The following NSD3 variants were observed in gnomAD, a reference collection of about 807,000 sequenced individuals.
The protein encoded by NSD3 is histone-lysine N-methyltransferase NSD3.
A neutral mutation model predicts 160.8 loss-of-function variants in NSD3; 24 were observed. That is an observed-to-expected ratio of 0.15 (90% CI 0.11 to 0.21). The LOEUF is 0.21. NSD3 is among the 10% of genes least tolerant of loss of function. The probability of loss-of-function intolerance (pLI) is 1.00; values close to 1 mark genes in which losing one functional copy is unlikely to be tolerated. For synonymous variants in NSD3, 520 were observed against 600.0 expected (o/e 0.87, Z 1.95); for missense variants, 1,157 against 1,735.9 (o/e 0.67, Z 5.93).
rs1585846444 is a variant in NSD3, at chr8:38,275,225, T to C, written c.*416A>G. 1 of 261,250 alleles carries C rather than the reference T, an allele frequency of 3.8e-6. No homozygotes were observed. The highest frequency in any genetic ancestry group is 5.6e-5 in the East Asian group (1 of 17,744). 16.2% of individuals were successfully genotyped at this position (261,250 alleles called of 1,614,324 possible). A position where few individuals can be genotyped will look rare whatever the true frequency, so the allele number is the denominator to read the frequency against. On this transcript the variant is annotated 3_prime_UTR_variant, in exon 24 of 24. Coordinates refer to ENST00000317025, the MANE Select transcript of NSD3 (RefSeq NM_023034.2). ...TGATTAGACTATTGAACTACACTTC[T>C]TGAAATTCCTAAAAATGAAAATAAA...
At chr8:38,287,819 AT>A (rs1554522571) in intron 19 of NSD3, among the ~76,000 whole-genome samples, 1 of 151,990 alleles carries the variant, frequency 6.6e-6, no homozygotes, top group Non-Finnish European at 1.5e-5. Context: ...CGCCCGGCTA[AT>A]TTTTTGTATT....
In NSD3 at chr8:38,275,469, C is replaced by A; in HGVS notation, c.*172G>T. 1.6e-6 allele frequency: 1 copy of A among 628,222 alleles called. No individual in the cohort carries two copies. Among genetic ancestry groups the A allele is most frequent in the Admixed American group, 3.1e-5 (1 of 32,264 alleles). 38.9% of individuals were successfully genotyped at this position (628,222 alleles called of 1,614,324 possible). The stretch of plus-strand genomic sequence containing the variant: ...AGAATCCCAAACCAACCAAATCAAA[C>A]AAAAACCAGACACCACCAACTGCTT... On this transcript the variant is annotated 3_prime_UTR_variant, in exon 24 of 24. Coordinates refer to ENST00000317025, the MANE Select transcript of NSD3 (RefSeq NM_023034.2).
chr8:38,308,414 A>G (rs1019231443), intron 12 of NSD3, among the ~76,000 whole-genome samples: 2 of 152,088 alleles, frequency 1.3e-5, no homozygotes, highest in Non-Finnish European at 2.9e-5. Flanking sequence ...AGGTAATTAT[A>G]TATTTTAAAA....
At chr8:38,370,959 T>C (rs1054464561) in intron 1 of NSD3, among the ~76,000 whole-genome samples, 1 of 152,124 alleles carries the variant, frequency 6.6e-6, no homozygotes, top group African/African-American at 2.4e-5. Context: ...TTTTTTAATG[T>C]ATAAGGATGT....
chr8:38,364,391 T>C (rs1368986143), intron 1 of NSD3, among the ~76,000 whole-genome samples: 1 of 152,216 alleles, frequency 6.6e-6, no homozygotes, highest in Non-Finnish European at 1.5e-5. Flanking sequence ...AATTTGTCCC[T>C]GGACAACCAG....
Position 38,290,692 on chromosome 8 carries a change from A to T in NSD3, c.2916-15T>A. ...CTGGCCACCATCTGAAAACAAAAGC[A>T]ATTTTAGATCAAGAGGGCAAAAACG... is the stretch of plus-strand genomic sequence containing the variant. On this transcript the variant is annotated splice_polypyrimidine_tract_variant and intron_variant, in intron 16 of 23. Coordinates refer to ENST00000317025, the MANE Select transcript of NSD3 (RefSeq NM_023034.2). 6.2e-7 allele frequency: 1 copy of T among 1,612,462 alleles called. No individual in the cohort carries two copies. The highest frequency in any genetic ancestry group is 1.3e-5 in the African/African-American group (1 of 74,944).
intron 5 of NSD3, among the ~76,000 whole-genome samples, chr8:38,330,952 G>T (rs950023868): frequency 1.2e-4 from 19 of 152,016 alleles, no homozygotes; most frequent in Non-Finnish European, 2.6e-4. Flanking sequence ...CCTCATACAG[G>T]TTGTTATGAA....
chr8:38,279,443 G>C, intron 21 of NSD3, 97 bp downstream of exon 21: 1 of 1,378,248 alleles, frequency 7.3e-7, no homozygotes, highest in Non-Finnish European at 9.9e-7. Context: ...ATTTAAATAA[G>C]TTCTTGGGCA....
intron 2 of NSD3, among the ~76,000 whole-genome samples, chr8:38,346,922 C>T (rs1308143733): frequency 6.6e-6 from 1 of 152,054 alleles, no homozygotes; most frequent in Non-Finnish European, 1.5e-5. Context: ...TATATTATTG[C>T]TAAGCAAATT....
At chr8:38,308,412 A>G (rs1809456730) in intron 12 of NSD3, among the ~76,000 whole-genome samples, 1 of 152,132 alleles carries the variant, frequency 6.6e-6, no homozygotes, top group Non-Finnish European at 1.5e-5. Flanking sequence ...GAAGGTAATT[A>G]TATATTTTAA....
At chr8:38,354,061 C>T (rs1451701352) in intron 1 of NSD3, among the ~76,000 whole-genome samples, 1 of 152,200 alleles carries the variant, frequency 6.6e-6, no homozygotes, top group Non-Finnish European at 1.5e-5. Context: ...TCATTGCTTC[C>T]ACCACTTTTC....
At position 38,351,859 on chromosome 8, in the gene NSD3, C is replaced by T. The variant is rs558912715; in HGVS notation, c.-44-3644G>A. On this transcript the variant is annotated intron_variant, in intron 1 of 23. Transcript: ENST00000317025. ...ACACAGGAAGGGGAACATCACACAC[C>T]GGGGCCTGTTGTGGGGTGGGGGGAG... Among the ~76,000 whole-genome samples, 6 of 141,618 alleles carry T rather than the reference C, an allele frequency of 4.2e-5. No individual in the cohort carries two copies. The South Asian group carries it at 1.0e-3, about 24-fold the overall frequency. The allele number at this position is 141,618 out of a possible 152,430, so 92.9% of individuals were successfully genotyped here.
At position 38,274,802 on chromosome 8, in the gene NSD3, A is replaced by G. The variant is rs1334725187; in HGVS notation, c.*839T>C. On this transcript the variant is annotated 3_prime_UTR_variant, in exon 24 of 24. Coordinates refer to ENST00000317025, the MANE Select transcript of NSD3 (RefSeq NM_023034.2). ...AGCTGCCTTAATCAGTGTCAGGAAA[A>G]TAGGAGTGACCATTCCAACTATGCT... 5.9e-6 allele frequency: 1 copy of G among 169,498 alleles called. No individual in the cohort carries two copies. Among genetic ancestry groups the G allele is most frequent in the Non-Finnish European group, 1.3e-5 (1 of 77,988 alleles). The allele number at this position is 169,498 out of a possible 1,614,324, so 10.5% of individuals were successfully genotyped here. A position where few individuals can be genotyped will look rare whatever the true frequency, so the allele number is the denominator to read the frequency against.
rs535118795 is a variant in NSD3 at position 38,270,270 on chromosome 8, G to A, written c.*5371C>T. The A allele has an allele frequency of 6.6e-6, 1 of 152,162 alleles. No individual in the cohort carries two copies. Among genetic ancestry groups the A allele is most frequent in the South Asian group, 2.1e-4 (1 of 4,838 alleles). 9.4% of individuals were successfully genotyped at this position (152,162 alleles called of 1,614,324 possible). On this transcript the variant is annotated 3_prime_UTR_variant, in exon 24 of 24. Transcript: ENST00000317025. ...AGTAATGGTTCACAGGATCTACAAA[G>A]TTTATTACAGATAAAGTACAGAAAT...
intron 1 of NSD3, among the ~76,000 whole-genome samples, chr8:38,368,911 T>C (rs1811171233): frequency 6.6e-6 from 1 of 152,206 alleles, no homozygotes; most frequent in African/African-American, 2.4e-5. Flanking sequence ...TTCTTACCTA[T>C]TTCCTGGACA....
Position 38,276,494 on chromosome 8 carries a change from A to G in NSD3, c.3874T>C (p.Cys1292Arg). The G allele has an allele frequency of 6.2e-7, 1 of 1,614,200 alleles. No homozygotes were observed. The highest frequency in any genetic ancestry group is 8.5e-7 in the Non-Finnish European group (1 of 1,180,034). ...GCCTTCTCTTCATTTGTTGACGCAC[A>G]TGCCGACTGGCAGGAAAGAAAGGAT... ...GFLGVRPKSA[C>R]ASTNEEKAKN... Residue 1292 changes from cysteine (C) to arginine (R), a missense_variant, in exon 23 of 24, where the codon TGT becomes CGT. Transcript: ENST00000317025.
At chr8:38,344,396 C>T (rs892792305) in intron 2 of NSD3, among the ~76,000 whole-genome samples, 6 of 152,082 alleles carry the variant, frequency 3.9e-5, no homozygotes, top group African/African-American at 1.2e-4. Context: ...CTCGGCCTCC[C>T]GAATAGTTGG....
At chr8:38,347,352 A>G in intron 2 of NSD3, 145 bp downstream of exon 2, 2 of 797,322 alleles carry the variant, frequency 2.5e-6, no homozygotes, top group South Asian at 3.8e-5. Flanking sequence ...CTCAGCACCT[A>G]TTATAATATT....
chr8:38,346,585 T>A (rs1049689681), intron 2 of NSD3, among the ~76,000 whole-genome samples: 1 of 151,598 alleles, frequency 6.6e-6, no homozygotes, highest in African/African-American at 2.4e-5. Context: ...AATGAATAAA[T>A]AAGAAAACTA....
Sources: gnomAD v4.1 joint callset for allele counts (sites outside exome capture counted in the v4.1 genomes callset) on GRCh38, gnomAD v4.1.1 for gene constraint, MANE v1.5 for transcripts, NCBI Gene and HGNC (gene_info 2026-07-23, HGNC 2026-07-21) for gene names.